The following SNX24 variants were observed in gnomAD, a reference collection of about 807,000 sequenced individuals.
SNX24 encodes the protein sorting nexin-24.
SNX24 carries 22 observed loss-of-function variants against 28.7 expected under a neutral mutation model. The ratio of observed to expected loss-of-function variants is 0.77; its 90% CI spans 0.55 to 1.10. SNX24 has a LOEUF of 1.10. Among genes scored for constraint, SNX24 ranks in the 50% least tolerant of loss-of-function variants. The pLI is 0.00. For missense variants in SNX24, 221 were observed against 201.1 expected (o/e 1.10, Z -0.60); for synonymous variants, 69 against 71.5 (o/e 0.96, Z 0.18).
chr5:123,017,717 G>A (rs893184227), intron 5 of SNX24, among the ~76,000 whole-genome samples: 1 of 152,058 alleles, frequency 6.6e-6, no homozygotes. Flanking sequence ...TGATGAATGA[G>A]TCTCAGGAGA....
intron 3 of SNX24, among the ~76,000 whole-genome samples, chr5:122,992,855 A>T (rs920833512): frequency 6.6e-6 from 1 of 152,224 alleles, no homozygotes; most frequent in Non-Finnish European, 1.5e-5. Flanking sequence ...CCAGAAAAAC[A>T]CAGAATGTAA....
intron 3 of SNX24, among the ~76,000 whole-genome samples, chr5:122,971,565 T>G (rs1252596368): frequency 1.3e-5 from 2 of 152,194 alleles, no homozygotes; most frequent in African/African-American, 2.4e-5. Flanking sequence ...ACAGCTATTC[T>G]TCATGCAATC....
chr5:122,966,239 TCTAGA>T (rs1258091406), intron 3 of SNX24, among the ~76,000 whole-genome samples: 2 of 152,240 alleles, frequency 1.3e-5, no homozygotes, highest in African/African-American at 4.8e-5. Context: ...CACAAGAATG[TCTAGA>T]CTAGGCAGAA....
chr5:122,985,416 G>T (rs189733388), intron 3 of SNX24, among the ~76,000 whole-genome samples: 28 of 152,280 alleles, frequency 1.8e-4, no homozygotes, highest in African/African-American at 6.7e-4. Context: ...TGTCCACTTG[G>T]TGGATCTGGG....
chr5:122,870,027 A>G (rs1214261598), intron 1 of SNX24, among the ~76,000 whole-genome samples: 1 of 152,148 alleles, frequency 6.6e-6, no homozygotes, highest in African/African-American at 2.4e-5. Context: ...ACTTTAATCA[A>G]CACCTGATTT....
chr5:122,917,608 A>G (rs1485780346), intron 1 of SNX24, among the ~76,000 whole-genome samples: 1 of 152,146 alleles, frequency 6.6e-6, no homozygotes, highest in Non-Finnish European at 1.5e-5. Flanking sequence ...TCTTCAAACC[A>G]CGGTGGTGGT....
At chr5:122,859,953 G>A (rs1257722579) in intron 1 of SNX24, among the ~76,000 whole-genome samples, 1 of 152,196 alleles carries the variant, frequency 6.6e-6, no homozygotes, top group Non-Finnish European at 1.5e-5. Context: ...TTAAGATAAA[G>A]ATTGTAGAGA....
intron 1 of SNX24, among the ~76,000 whole-genome samples, chr5:122,936,433 T>G (rs1055369404): frequency 1.3e-5 from 2 of 152,172 alleles, no homozygotes; most frequent in African/African-American, 2.4e-5. Flanking sequence ...ATTCACTTGG[T>G]GAAATCATTT....
chr5:122,941,923 C>T (rs992471180), intron 2 of SNX24, among the ~76,000 whole-genome samples: 3 of 152,152 alleles, frequency 2.0e-5, no homozygotes, highest in African/African-American at 7.2e-5. Flanking sequence ...CCCATGCTAG[C>T]CTTGTTATGG....
chr5:122,889,444 A>G (rs1175249132), intron 1 of SNX24, among the ~76,000 whole-genome samples: 1 of 152,014 alleles, frequency 6.6e-6, no homozygotes, highest in Non-Finnish European at 1.5e-5. Context: ...TGAGGCTCAA[A>G]GGAAACGCTC....
intron 1 of SNX24, among the ~76,000 whole-genome samples, chr5:122,922,464 G>T (rs748900479): frequency 1.3e-4 from 20 of 151,970 alleles, no homozygotes; most frequent in Non-Finnish European, 2.8e-4. Context: ...TGTTGGCCAC[G>T]CTGGTCTCGA....
chr5:122,977,647 C>T (rs899878542), intron 3 of SNX24, among the ~76,000 whole-genome samples: 1 of 152,194 alleles, frequency 6.6e-6, no homozygotes. Context: ...TGCTGGTTGA[C>T]TCAAAGCTAC....
At chr5:123,024,791 A>G (rs1382769025) in intron 5 of SNX24, among the ~76,000 whole-genome samples, 2 of 152,226 alleles carry the variant, frequency 1.3e-5, no homozygotes, top group Non-Finnish European at 2.9e-5. Context: ...AGGTAGAATA[A>G]GTCACATGAA....
At chr5:122,950,339 T>C (rs1759885557) in intron 3 of SNX24, among the ~76,000 whole-genome samples, 1 of 152,234 alleles carries the variant, frequency 6.6e-6, no homozygotes, top group Admixed American at 6.5e-5. Context: ...TGTATAGTTT[T>C]GCTTAATGAT....
At chr5:122,958,696 A>G (rs982074256) in intron 3 of SNX24, among the ~76,000 whole-genome samples, 2 of 147,876 alleles carry the variant, frequency 1.4e-5, no homozygotes, top group Admixed American at 6.8e-5. Flanking sequence ...GTCATACTTT[A>G]TAGTCTTTTT....
chr5:122,963,564 C>G (rs1760574211), intron 3 of SNX24, among the ~76,000 whole-genome samples: 1 of 152,176 alleles, frequency 6.6e-6, no homozygotes, highest in African/African-American at 2.4e-5. Flanking sequence ...GGGCTCTACT[C>G]TCTTTCAGTA....
At chr5:122,938,024 G>T (rs1038495386) in intron 2 of SNX24, among the ~76,000 whole-genome samples, 3 of 152,148 alleles carry the variant, frequency 2.0e-5, no homozygotes, top group Non-Finnish European at 4.4e-5. Flanking sequence ...GACCAGTCTA[G>T]AGGAGGCAGC....
intron 1 of SNX24, among the ~76,000 whole-genome samples, chr5:122,934,765 G>C (rs1236883809): frequency 6.6e-6 from 1 of 152,188 alleles, no homozygotes; most frequent in African/African-American, 2.4e-5. Flanking sequence ...AGTCTTGATA[G>C]TATTAGGCAT....
chr5:122,962,748 T>A (rs1481568873), intron 3 of SNX24, among the ~76,000 whole-genome samples: 1 of 152,222 alleles, frequency 6.6e-6, no homozygotes, highest in African/African-American at 2.4e-5. Flanking sequence ...ATATTAACTC[T>A]AGTGGATTGT....
Sources: gnomAD v4.1 joint callset for allele counts (sites outside exome capture counted in the v4.1 genomes callset) on GRCh38, gnomAD v4.1.1 for gene constraint, MANE v1.5 for transcripts, NCBI Gene and HGNC (gene_info 2026-07-23, HGNC 2026-07-21) for gene names.